The following FBXO25 variants were observed in gnomAD, a reference collection of about 807,000 sequenced individuals.
The protein encoded by FBXO25 is F-box protein 25.
FBXO25 carries 45 observed loss-of-function variants against 51.9 expected under a neutral mutation model. The observed-to-expected ratio is 0.87, with a 90% CI of 0.68 to 1.11. FBXO25 has a LOEUF of 1.11. FBXO25 is among the 50% of genes most tolerant of loss of function. The probability of loss-of-function intolerance (pLI) is 0.00; values close to 1 mark genes in which losing one functional copy is unlikely to be tolerated. For missense variants in FBXO25, 507 were observed against 428.5 expected, an observed-to-expected ratio of 1.18 and a Z score of -1.62; for synonymous variants, 199 against 151.0, an observed-to-expected ratio of 1.32 and a Z score of -2.33.
At chr8:464,400 G>A (rs569001088) in intron 9 of FBXO25, among the ~76,000 whole-genome samples, 14 of 152,342 alleles carry the variant, frequency 9.2e-5, no homozygotes, top group African/African-American at 3.1e-4. Context: ...GCTGGTCCTG[G>A]AGTGACCCTG....
intron 2 of FBXO25, among the ~76,000 whole-genome samples, chr8:422,086 G>C (rs1009976941): frequency 6.6e-6 from 1 of 152,194 alleles, no homozygotes; most frequent in Non-Finnish European, 1.5e-5. Flanking sequence ...ACAGTCCCTT[G>C]ACAGATGCAG....
chr8:412,524 T>G (rs180985617), intron 1 of FBXO25, among the ~76,000 whole-genome samples: 97 of 152,342 alleles, frequency 6.4e-4, no homozygotes, highest in South Asian at 2.1e-3. Flanking sequence ...ACCACAAATC[T>G]GATTGAATCA....
intron 5 of FBXO25, among the ~76,000 whole-genome samples, chr8:436,933 G>A (rs1414763417): frequency 6.6e-6 from 1 of 152,182 alleles, no homozygotes; most frequent in Non-Finnish European, 1.5e-5. Flanking sequence ...TTTCTGTGCT[G>A]GGTGCCCTGC....
At chr8:415,786 T>C (rs142955899) in intron 2 of FBXO25, among the ~76,000 whole-genome samples, 2,023 of 152,270 alleles carry the variant, frequency 0.013, 30 homozygotes, top group African/African-American at 0.047. Context: ...TTATGTTTGA[T>C]GACAGAAATT....
rs1377625680 is a variant in FBXO25, at chr8:446,598, AG to A, written c.382-3388del. Among the ~76,000 whole-genome samples, 3 of 152,222 alleles carry A rather than the reference AG, an allele frequency of 2.0e-5. No homozygotes were observed. The South Asian group carries it at 6.2e-4, about 32-fold the overall frequency. ...TTGATTCTAAAGTGAGGCAGGGAAAAGGGGTGCTATTCAACACTAAAACAAG... is the reference window on the plus strand; with the variant it reads ...TTGATTCTAAAGTGAGGCAGGGAAAAGGGTGCTATTCAACACTAAAACAAG... On this transcript the variant is annotated intron_variant, in intron 5 of 9. Transcript: ENST00000350302.
At chr8:456,692 T>C (rs1799457357) in intron 7 of FBXO25, among the ~76,000 whole-genome samples, 1 of 152,112 alleles carries the variant, frequency 6.6e-6, no homozygotes, top group Admixed American at 6.5e-5. Flanking sequence ...TCACAAACTG[T>C]CAAGCAGTGT....
chr8:456,910 G>T (rs768653620), intron 7 of FBXO25, among the ~76,000 whole-genome samples: 1 of 152,154 alleles, frequency 6.6e-6, no homozygotes, highest in African/African-American at 2.4e-5. Flanking sequence ...CAAGGCACGG[G>T]TGCCCCAGTC....
At chr8:422,627 C>T (rs1330938569) in intron 2 of FBXO25, among the ~76,000 whole-genome samples, 2 of 152,226 alleles carry the variant, frequency 1.3e-5, no homozygotes, top group Non-Finnish European at 2.9e-5. Flanking sequence ...ACTGTGTGTT[C>T]TGCCTCTGAA....
rs971732321 is a variant in FBXO25 at position 468,298 on chromosome 8, G to C, written c.988-417G>C. On this transcript the variant is annotated intron_variant, in intron 9 of 9. Coordinates refer to ENST00000350302, the MANE Select transcript of FBXO25 (RefSeq NM_183420.2). ...GCTGATTCAGGGATGAATGGCGGGT[G>C]GAGGGAACCCTGTGTAACAAAGTGA... The C allele has an allele frequency of 9.8e-6, 10 of 1,015,984 alleles. No individual in the cohort carries two copies. In the East Asian group the frequency reaches 8.0e-4, roughly 81 times the overall value. 62.9% of individuals were successfully genotyped at this position (1,015,984 alleles called of 1,614,324 possible).
intron 5 of FBXO25, among the ~76,000 whole-genome samples, chr8:442,131 A>G (rs1021185977): frequency 1.6e-4 from 25 of 152,176 alleles, no homozygotes; most frequent in African/African-American, 5.1e-4. Context: ...ACACAATCCA[A>G]TGCTAATTTA....
intron 5 of FBXO25, among the ~76,000 whole-genome samples, chr8:441,132 T>TA (rs1400797317): frequency 6.6e-6 from 1 of 151,412 alleles, no homozygotes; most frequent in East Asian, 1.9e-4. Context: ...AAGGCTACAG[T>TA]AACCAAAACA....
At chr8:412,897 C>G (rs890636637) in intron 1 of FBXO25, among the ~76,000 whole-genome samples, 176 bp from the exon 2 acceptor site, 2 of 152,184 alleles carry the variant, frequency 1.3e-5, no homozygotes, top group African/African-American at 4.8e-5. Flanking sequence ...CATTTGATCA[C>G]TTTAGTACAC....
intron 2 of FBXO25, among the ~76,000 whole-genome samples, chr8:415,364 G>T (rs1796733448): frequency 6.6e-6 from 1 of 152,136 alleles, no homozygotes; most frequent in Non-Finnish European, 1.5e-5. Context: ...TTGATCTGGG[G>T]GCAGCCAGCC....
rs1194584102 is a variant in FBXO25 at position 468,418 on chromosome 8, G to T, written c.988-297G>T. Among the ~76,000 whole-genome samples the T allele has an allele frequency of 2.0e-5, 3 of 152,264 alleles. No homozygotes were observed. In the South Asian group the frequency reaches 6.2e-4, roughly 32 times the overall value. ...CTGTGGCCTTGTAGATTCCGGGGCA[G>T]TGCAGGGTGGTGTCAGCAGCTGGCT... On this transcript the variant is annotated intron_variant, in intron 9 of 9. Coordinates refer to ENST00000350302, the MANE Select transcript of FBXO25 (RefSeq NM_183420.2).
intron 1 of FBXO25, among the ~76,000 whole-genome samples, chr8:411,988 C>T (rs1796507305): frequency 6.6e-6 from 1 of 152,156 alleles, no homozygotes; most frequent in African/African-American, 2.4e-5. Flanking sequence ...GTTTAAAAAG[C>T]TTCCTGTGAT....
intron 2 of FBXO25, among the ~76,000 whole-genome samples, chr8:424,253 C>T (rs1249098514): frequency 6.6e-6 from 1 of 151,176 alleles, no homozygotes; most frequent in African/African-American, 2.4e-5. Context: ...CCTGTAGATT[C>T]TGGATATTAG....
intron 2 of FBXO25, among the ~76,000 whole-genome samples, chr8:420,050 TTTATTG>T (rs1427229033): frequency 6.6e-6 from 1 of 152,070 alleles, no homozygotes; most frequent in Non-Finnish European, 1.5e-5. Context: ...CCCAACTTAA[TTTATTG>T]TTAGGGAAAC....
intron 5 of FBXO25, among the ~76,000 whole-genome samples, chr8:442,044 A>T (rs1342616118): frequency 6.6e-6 from 1 of 152,196 alleles, no homozygotes; most frequent in East Asian, 1.9e-4. Context: ...GGAACTGTTG[A>T]AAAGGGCTGT....
chr8:462,671 CAGTTATA>C (rs145091213), intron 8 of FBXO25, among the ~76,000 whole-genome samples: 4,570 of 152,254 alleles, frequency 0.03, 95 homozygotes, highest in Middle Eastern at 0.045. Context: ...CATATGTTCT[CAGTTATA>C]AGTGGGAGGT....
Sources: allele counts gnomAD v4.1 joint callset (sites outside exome capture counted in the v4.1 genomes callset), GRCh38; gene constraint gnomAD v4.1.1; transcripts MANE v1.5; gene names NCBI Gene and HGNC (gene_info 2026-07-23, HGNC 2026-07-21).